NEDD4L: variants seen among roughly 807,000 people sequenced by gnomAD.
NEDD4L encodes the protein NEDD4 like E3 ubiquitin protein ligase.
Under a neutral mutation model 148.9 loss-of-function variants are expected in NEDD4L, and 54 were observed. That is an observed-to-expected ratio of 0.36 (90% CI 0.29 to 0.45). The LOEUF (loss-of-function observed/expected upper bound fraction) is 0.45, where lower values mean the gene tolerates loss of function less well. NEDD4L is among the 20% of genes least tolerant of loss of function. The probability of loss-of-function intolerance (pLI) is 1.00; values close to 1 mark genes in which losing one functional copy is unlikely to be tolerated. For synonymous variants in NEDD4L, 433 were observed against 440.7 expected (o/e 0.98, Z 0.22); for missense variants, 856 against 1,233.8 (o/e 0.69, Z 4.59).
At chr18:58,350,258 C>A (rs192764402) in intron 17 of NEDD4L, among the ~76,000 whole-genome samples, 1 of 152,196 alleles carries the variant, frequency 6.6e-6, no homozygotes, top group African/African-American at 2.4e-5. Context: ...AGTGTAAGAA[C>A]CTTTTTGTTG....
intron 5 of NEDD4L, among the ~76,000 whole-genome samples, chr18:58,272,050 A>C (rs1459205778): frequency 6.6e-6 from 1 of 152,240 alleles, no homozygotes; most frequent in Non-Finnish European, 1.5e-5. Flanking sequence ...TTCAAAATTT[A>C]TGAAAAATAG....
At chr18:58,186,565 C>CCT (rs1405213764) in intron 2 of NEDD4L, among the ~76,000 whole-genome samples, 1 of 152,158 alleles carries the variant, frequency 6.6e-6, no homozygotes, top group East Asian at 1.9e-4. Context: ...GAGGCTGAGA[C>CCT]CTACTGTATT....
chr18:58,183,966 A>G (rs964463748), intron 2 of NEDD4L, among the ~76,000 whole-genome samples: 63 of 152,208 alleles, frequency 4.1e-4, no homozygotes, highest in East Asian at 1.2e-3. Flanking sequence ...TCAGGAGATC[A>G]AGGCCATCCT....
chr18:58,352,436 G>A (rs1030961909), intron 18 of NEDD4L, among the ~76,000 whole-genome samples: 1 of 152,098 alleles, frequency 6.6e-6, no homozygotes, highest in Non-Finnish European at 1.5e-5. Context: ...GGGAGGATCA[G>A]TTGAGGTCAG....
In NEDD4L at chr18:58,331,742, G is replaced by A. The variant is rs140489063; in HGVS notation, c.990+828G>A. Among the ~76,000 whole-genome samples, 798 of 152,016 alleles carry A rather than the reference G, an allele frequency of 5.2e-3. 1 individual carries two copies. Among genetic ancestry groups the A allele is most frequent in the Non-Finnish European group, 6.8e-3 (465 of 67,980 alleles). On this transcript the variant is annotated intron_variant, in intron 11 of 30. Coordinates refer to ENST00000400345, the MANE Select transcript of NEDD4L (RefSeq NM_001144967.3). Reference sequence around the variant, plus strand: ...GATGATAGTCACTCCACTGAAAATGGCATCCTAAAAAAAAATAGTCATTAC... The same window carrying A: ...GATGATAGTCACTCCACTGAAAATGACATCCTAAAAAAAAATAGTCATTAC...
chr18:58,117,216 ATAT>A (rs1276640041), intron 1 of NEDD4L, among the ~76,000 whole-genome samples: 1 of 152,254 alleles, frequency 6.6e-6, no homozygotes. Context: ...ATCAGCACAT[ATAT>A]TATTGAAGAA....
intron 13 of NEDD4L, among the ~76,000 whole-genome samples, chr18:58,337,933 T>TAA (rs2041976881): frequency 2.0e-5 from 3 of 152,052 alleles, no homozygotes; most frequent in Admixed American, 1.3e-4. Flanking sequence ...GCCCTCCCCA[T>TAA]GAGATAAAAG....
intron 26 of NEDD4L, 143 bp from the exon 27 acceptor site, chr18:58,387,296 G>A: frequency 2.1e-6 from 2 of 936,458 alleles, no homozygotes; most frequent in South Asian, 3.6e-5. Flanking sequence ...TGGAACTATA[G>A]TTACTTGATA....
At chr18:58,220,703 C>G (rs972106) in intron 2 of NEDD4L, among the ~76,000 whole-genome samples, 1 of 152,136 alleles carries the variant, frequency 6.6e-6, no homozygotes, top group Non-Finnish European at 1.5e-5. Context: ...GGGGACACTT[C>G]CTATTAGAGC....
chr18:58,255,222 G>A (rs1004566250), intron 5 of NEDD4L, among the ~76,000 whole-genome samples: 2 of 152,058 alleles, frequency 1.3e-5, no homozygotes, highest in African/African-American at 2.4e-5. Context: ...TGTGTTTGCT[G>A]CCTTAGTCAG....
intron 2 of NEDD4L, among the ~76,000 whole-genome samples, chr18:58,219,530 G>A (rs1273334422): frequency 6.6e-6 from 1 of 152,174 alleles, no homozygotes; most frequent in Non-Finnish European, 1.5e-5. Context: ...CAGGGCTCTG[G>A]ATGTCCGGAG....
rs1555686019 is a variant in NEDD4L, at chr18:58,084,671, T to TGTGTGTGTGTGTG, written c.48+39963_48+39964insGTGTGTGTGTGTG. On this transcript the variant is annotated intron_variant, in intron 1 of 30. Coordinates refer to ENST00000400345, the MANE Select transcript of NEDD4L (RefSeq NM_001144967.3). The stretch of plus-strand genomic sequence containing the variant: ...CTTCTCACTATATCTTGTGGGGTTT[T>TGTGTGTGTGTGTG]TGTGTGTGTGTGTGTGTGTGTGTGT... Among the ~76,000 whole-genome samples, 4 of 133,824 alleles carry TGTGTGTGTGTGTG rather than the reference T, an allele frequency of 3.0e-5. No individual in the cohort carries two copies. In the East Asian group the frequency reaches 6.8e-4, roughly 23 times the overall value. The allele number at this position is 133,824 out of a possible 152,430, so 87.8% of individuals were successfully genotyped here.
intron 5 of NEDD4L, among the ~76,000 whole-genome samples, chr18:58,306,405 G>A (rs1352978933): frequency 6.6e-6 from 1 of 152,110 alleles, no homozygotes; most frequent in South Asian, 2.1e-4. Context: ...AGGAAGGAAG[G>A]GCACATGGCA....
intron 17 of NEDD4L, among the ~76,000 whole-genome samples, chr18:58,349,826 T>G (rs2043641233): frequency 6.6e-6 from 1 of 152,238 alleles, no homozygotes; most frequent in South Asian, 2.1e-4. Context: ...GGTTTCTGAA[T>G]TGCTAGCTTC....
chr18:58,064,732 A>C (rs1365802361), intron 1 of NEDD4L, among the ~76,000 whole-genome samples: 1 of 152,204 alleles, frequency 6.6e-6, no homozygotes, highest in Non-Finnish European at 1.5e-5. Context: ...TCATGTAGAT[A>C]ATCTAAAATA....
chr18:58,305,739 T>C (rs2056981548), intron 5 of NEDD4L, among the ~76,000 whole-genome samples: 1 of 152,342 alleles, frequency 6.6e-6, no homozygotes, highest in Admixed American at 6.5e-5. Flanking sequence ...TTTGGTTTAA[T>C]TTGTTTTACA....
intron 1 of NEDD4L, among the ~76,000 whole-genome samples, chr18:58,124,791 A>G (rs113542361): frequency 0.017 from 2,608 of 152,314 alleles, 30 homozygotes; most frequent in African/African-American, 0.025. Context: ...AATCACTAAC[A>G]TTTATTGAGT....
chr18:58,126,988 G>A (rs2031233843), intron 1 of NEDD4L, among the ~76,000 whole-genome samples: 1 of 152,174 alleles, frequency 6.6e-6, no homozygotes, highest in South Asian at 2.1e-4. Flanking sequence ...TCTCTCTCTG[G>A]GTTTCTGTCT....
intron 2 of NEDD4L, among the ~76,000 whole-genome samples, chr18:58,214,445 A>G (rs1359856686): frequency 6.6e-6 from 1 of 152,158 alleles, no homozygotes; most frequent in Admixed American, 6.5e-5. Flanking sequence ...ACTTCTGTTG[A>G]TCTCTCCAAG....
Sources: allele counts gnomAD v4.1 joint callset (sites outside exome capture counted in the v4.1 genomes callset), GRCh38; gene constraint gnomAD v4.1.1; transcripts MANE v1.5; gene names NCBI Gene and HGNC (gene_info 2026-07-23, HGNC 2026-07-21).